Variants in PTPN2 observed in about 807,000 individuals in gnomAD.
PTPN2 encodes tyrosine-protein phosphatase non-receptor type 2.
Under a neutral mutation model 57.3 loss-of-function variants are expected in PTPN2, and 19 were observed. The ratio of observed to expected loss-of-function variants is 0.33; its 90% CI spans 0.23 to 0.49. The LOEUF is 0.49. PTPN2 is among the 20% of genes least tolerant of loss of function. The probability of loss-of-function intolerance (pLI) is 0.99; values close to 1 mark genes in which losing one functional copy is unlikely to be tolerated. For missense variants in PTPN2, 358 were observed against 501.1 expected (o/e 0.71, Z 2.73); for synonymous variants, 153 against 164.9 (o/e 0.93, Z 0.55).
chr18:12,852,144 C>G (rs773581426), intron 2 of PTPN2, among the ~76,000 whole-genome samples: 1 of 147,848 alleles, frequency 6.8e-6, no homozygotes, highest in African/African-American at 2.5e-5. Flanking sequence ...ATACAGTTAA[C>G]AATACTGTTA....
At chr18:12,790,933 G>C (rs956319000), downstream of PTPN2, among the ~76,000 whole-genome samples, 1 of 151,962 alleles carries the variant, frequency 6.6e-6, no homozygotes. Context: ...AACATAAAAG[G>C]ACCAAAAGAC....
intron 5 of PTPN2, among the ~76,000 whole-genome samples, chr18:12,825,343 C>T (rs1598796000): frequency 6.6e-6 from 1 of 152,218 alleles, no homozygotes; most frequent in Admixed American, 6.5e-5. Context: ...GGAGCTATTG[C>T]TTGCTGGGCA....
chr18:12,841,473 G>A (rs1222350602), intron 2 of PTPN2, among the ~76,000 whole-genome samples: 1 of 152,248 alleles, frequency 6.6e-6, no homozygotes, highest in East Asian at 1.9e-4. Context: ...TACACTGAAA[G>A]CGTAATCAAA....
At chr18:12,830,012 C>G (rs61245391) in intron 4 of PTPN2, among the ~76,000 whole-genome samples, 1 of 152,090 alleles carries the variant, frequency 6.6e-6, no homozygotes, top group Non-Finnish European at 1.5e-5. Flanking sequence ...CTTATTAATA[C>G]AGTAATTATA....
At chr18:12,803,222 A>G (rs1248751882) in intron 7 of PTPN2, among the ~76,000 whole-genome samples, 1 of 152,184 alleles carries the variant, frequency 6.6e-6, no homozygotes, top group Non-Finnish European at 1.5e-5. Context: ...AAAGAAAAAA[A>G]GTAACTACAG....
intron 2 of PTPN2, among the ~76,000 whole-genome samples, chr18:12,858,467 T>C (rs1296386607): frequency 6.6e-6 from 1 of 152,220 alleles, no homozygotes; most frequent in Non-Finnish European, 1.5e-5. Flanking sequence ...TCTGTGTGTG[T>C]ATACATCATA....
chr18:12,879,157 G>C (rs908852056), intron 1 of PTPN2, among the ~76,000 whole-genome samples: 2 of 152,180 alleles, frequency 1.3e-5, no homozygotes, highest in African/African-American at 4.8e-5. Context: ...TCTTGTTTTA[G>C]AGACAGGATC....
At chr18:12,844,752 C>T (rs1000173518) in intron 2 of PTPN2, among the ~76,000 whole-genome samples, 2 of 152,192 alleles carry the variant, frequency 1.3e-5, no homozygotes, top group Admixed American at 1.3e-4. Context: ...TTTTTTATTT[C>T]GATTTAGTAT....
intron 2 of PTPN2, among the ~76,000 whole-genome samples, chr18:12,853,175 A>G (rs2043454670): frequency 6.6e-6 from 1 of 152,200 alleles, no homozygotes; most frequent in Non-Finnish European, 1.5e-5. Context: ...TTTTAGAGAC[A>G]GTCTTGCTCT....
intron 1 of PTPN2, among the ~76,000 whole-genome samples, chr18:12,872,041 T>C (rs2044283657): frequency 7.4e-6 from 1 of 135,666 alleles, no homozygotes; most frequent in African/African-American, 2.8e-5. Context: ...AGAGCAAGAC[T>C]CTGTCTCAAA....
intron 1 of PTPN2, among the ~76,000 whole-genome samples, chr18:12,871,149 T>TA (rs540852212): frequency 6.6e-6 from 1 of 152,354 alleles, no homozygotes; most frequent in South Asian, 2.1e-4. Context: ...TCCATATAGA[T>TA]AATGAGTTCT....
chr18:12,788,029 CTCT>C, downstream of PTPN2: 2 of 154,912 alleles, frequency 1.3e-5, no homozygotes, highest in Middle Eastern at 1.0e-3. Flanking sequence ...TCAGAAACTT[CTCT>C]TAAGGTGCAA....
intron 5 of PTPN2, among the ~76,000 whole-genome samples, chr18:12,819,767 G>A (rs764654636): frequency 4.1e-5 from 6 of 147,506 alleles, no homozygotes; most frequent in Admixed American, 6.8e-5. Context: ...CAGTTAATAC[G>A]GCAACACTGA....
rs907801915 is a variant in PTPN2 at position 12,794,025 on chromosome 18, G to C, written c.*253C>G. On this transcript the variant is annotated 3_prime_UTR_variant, in exon 9 of 9. Coordinates refer to ENST00000309660, the MANE Select transcript of PTPN2 (RefSeq NM_002828.4). ...GTGTTTGACATGTATGAATACAGTT[G>C]CAAAATTTACCAGTTTTTAACAAAC... The C allele has an allele frequency of 1.5e-6, 2 of 1,365,016 alleles. No homozygotes were observed. The highest frequency in any genetic ancestry group is 6.7e-5 in the Admixed American group (2 of 30,002). The allele number at this position is 1,365,016 out of a possible 1,614,324, so 84.6% of individuals were successfully genotyped here.
chr18:12,807,422 C>T (rs2041697447), intron 7 of PTPN2, among the ~76,000 whole-genome samples: 1 of 151,230 alleles, frequency 6.6e-6, no homozygotes, highest in Non-Finnish European at 1.5e-5. Flanking sequence ...AGCAATCCCA[C>T]TACTGGGTAT....
intron 1 of PTPN2, among the ~76,000 whole-genome samples, chr18:12,874,513 C>T (rs1275197600): frequency 2.0e-5 from 2 of 99,656 alleles, no homozygotes; most frequent in Admixed American, 1.1e-4. Context: ...CCCGGCCAGC[C>T]GCCCCGTCCG....
chr18:12,817,096 T>A, intron 6 of PTPN2, 60 bp downstream of exon 6: 1 of 1,483,888 alleles, frequency 6.7e-7, no homozygotes, highest in South Asian at 1.2e-5. Context: ...TCACTGCCAG[T>A]GGAAGCAATT....
chr18:12,883,921 A>C, intron 1 of PTPN2, 152 bp downstream of exon 1: 1 of 552,634 alleles, frequency 1.8e-6, no homozygotes, highest in Non-Finnish European at 3.1e-6. Flanking sequence ...CGGTCAGCGC[A>C]GGCGCGCCCC....
chr18:12,820,448 A>AT (rs1442595215), intron 5 of PTPN2, among the ~76,000 whole-genome samples: 2 of 152,024 alleles, frequency 1.3e-5, no homozygotes, highest in Non-Finnish European at 2.9e-5. Context: ...GACTGGATGG[A>AT]CCCCTTTCCC....
Sources: allele counts gnomAD v4.1 joint callset (sites outside exome capture counted in the v4.1 genomes callset), GRCh38; gene constraint gnomAD v4.1.1; transcripts MANE v1.5; gene names NCBI Gene and HGNC (gene_info 2026-07-23, HGNC 2026-07-21).